LMTK3: variants seen among roughly 807,000 people sequenced by gnomAD.
LMTK3 encodes lemur tail kinase 3.
A neutral mutation model predicts 116.7 loss-of-function variants in LMTK3; 27 were observed. That is an observed-to-expected ratio of 0.23 (90% confidence interval 0.17 to 0.32). The LOEUF is 0.32. Among genes scored for constraint, LMTK3 ranks in the 10% least tolerant of loss-of-function variants. LMTK3 has a pLI of 1.00. For synonymous variants in LMTK3, 965 were observed against 971.0 expected (o/e 0.99, Z 0.11); for missense variants, 1,764 against 2,068.5 (o/e 0.85, Z 2.86).
At chr19:48,485,993 G>A (rs566426921) in intron 14 of LMTK3, among the ~76,000 whole-genome samples, 2 of 151,022 alleles carry the variant, frequency 1.3e-5, no homozygotes, top group South Asian at 2.1e-4. Flanking sequence ...CTCCCAGCAC[G>A]GTCCGACCCC....
chr19:48,498,424 G>A lies in LMTK3; in HGVS notation c.2645C>T (p.Ala882Val), dbSNP rs773623410. The change falls in exon 11 of 15, where the codon GCC becomes GTC. Residue 882 changes from alanine to valine, a missense_variant. Coordinates refer to ENST00000600059, the MANE Select transcript of LMTK3 (RefSeq NM_001388485.1). ...CGCCTTCCTGGGTCCTGTCTCCCGG[G>A]CTGTCGCCCCCTTCTCCCCCAGGAG... is the stretch of plus-strand genomic sequence containing the variant. ...RNLLGEKGAT[A>V]RETGPRKAGR... is the part of the protein sequence containing the mutation. 3 of 1,607,314 alleles carry A rather than the reference G, an allele frequency of 1.9e-6. No homozygotes were observed. The Admixed American group carries it at 5.1e-5, about 27-fold the overall frequency.
At chr19:48,512,601 CAT>C (rs1281720309), upstream of LMTK3, among the ~76,000 whole-genome samples, 1 of 152,044 alleles carries the variant, frequency 6.6e-6, no homozygotes, top group Admixed American at 6.6e-5. Context: ...CATGAACTAA[CAT>C]AGACACGGAC....
At position 48,511,629 on chromosome 19, in the gene LMTK3, G is replaced by T. The variant is rs1468463537; in HGVS notation, c.-53C>A. 1 of 546,870 alleles carries T rather than the reference G, an allele frequency of 1.8e-6. No individual in the cohort carries two copies. Among genetic ancestry groups the T allele is most frequent in the South Asian group, 2.9e-5 (1 of 34,788 alleles). The allele number at this position is 546,870 out of a possible 1,614,324, so 33.9% of individuals were successfully genotyped here. ...GTGGTGGCGGCTGGGGAGGAGGGGGGGGCGGGCCCTCAGCCCCCAGCCATG... is the reference window on the plus strand; with the variant it reads ...GTGGTGGCGGCTGGGGAGGAGGGGGTGGCGGGCCCTCAGCCCCCAGCCATG... On this transcript the variant is annotated 5_prime_UTR_variant, in exon 1 of 15. Transcript: ENST00000600059.
At chr19:48,511,405 T>C (rs1972656938) in intron 1 of LMTK3, 96 bp downstream of exon 1, 2 of 450,032 alleles carry the variant, frequency 4.4e-6, no homozygotes, top group Non-Finnish European at 7.2e-6. Flanking sequence ...GCGCACCAGG[T>C]GACGGGGCAG....
At position 48,497,474 on chromosome 19, in the gene LMTK3, T is replaced by TG. The variant is rs763549285; in HGVS notation, c.3594dup (p.Lys1199GlnfsTer341). 20 of 1,506,778 alleles carry TG rather than the reference T, an allele frequency of 1.3e-5. No homozygotes were observed. Among genetic ancestry groups the TG allele is most frequent in the South Asian group, 4.0e-5 (3 of 75,726 alleles). The allele number at this position is 1,506,778 out of a possible 1,614,324, so 93.3% of individuals were successfully genotyped here. ...ATCTCGGGGCCCTTCCTCTCGGGCT[T>TG]GGGGGGGTCCCCGTCTCCGCTGAGT... is the stretch of plus-strand genomic sequence containing the variant. On this transcript the variant is annotated frameshift_variant, in exon 11 of 15. Transcript: ENST00000600059. LOFTEE classifies it high-confidence loss of function. The surrounding 1 kb of genome is among the most constrained non-coding windows in gnomAD (Gnocchi z 5.7).
In LMTK3 at chr19:48,499,174, C is replaced by A. The variant is rs776993486; in HGVS notation, c.1895G>T (p.Arg632Leu). Residue 632 changes from arginine (R) to leucine (L), a missense_variant, in exon 11 of 15, where the codon CGG becomes CTG. Arg to Leu is a moderately radical substitution (Grantham distance 102). This residue lies in a region of LMTK3 where 1,028 missense variants were observed against 1,050.6 expected (regional missense o/e 0.98). Transcript: ENST00000600059. Reference sequence around the variant, plus strand: ...TTCTTCCACCCACGGGGCGGTCCCCCGCTCCCCCAAGACCTCGGCAGGGTC... The same window carrying A: ...TTCTTCCACCCACGGGGCGGTCCCCAGCTCCCCCAAGACCTCGGCAGGGTC... ...AGDPAEVLGE[R>L]GTAPWVEEEE... 6.7e-7 allele frequency: 1 copy of A among 1,495,846 alleles called. No individual in the cohort carries two copies. The highest frequency in any genetic ancestry group is 8.9e-7 in the Non-Finnish European group (1 of 1,121,138). The allele number at this position is 1,495,846 out of a possible 1,614,324, so 92.7% of individuals were successfully genotyped here. A position where few individuals can be genotyped will look rare whatever the true frequency, so the allele number is the denominator to read the frequency against.
chr19:48,501,315 C>T lies in LMTK3; in HGVS notation c.969G>A (p.Met323Ile). 6.2e-7 allele frequency: 1 copy of T among 1,613,614 alleles called. No homozygotes were observed. Among genetic ancestry groups the T allele is most frequent in the Non-Finnish European group, 8.5e-7 (1 of 1,179,798 alleles). Residue 323 changes from methionine to isoleucine, a missense_variant, in exon 9 of 15, where the codon ATG becomes ATA. Physicochemically the swap from Met to Ile is conservative, Grantham distance 10. Around this residue, in one of 7 missense-constraint regions of LMTK3, gnomAD observed 271 missense variants for 478.2 expected, o/e 0.57. Coordinates refer to ENST00000600059, the MANE Select transcript of LMTK3 (RefSeq NM_001388485.1). Reference sequence around the variant, plus strand: ...TGCTCTCGCGGCTCTGGTCCACCACCATGAAGGTCCCGTGGAGCTCCCCGA... The same window carrying T: ...TGCTCTCGCGGCTCTGGTCCACCACTATGAAGGTCCCGTGGAGCTCCCCGA... The part of the protein sequence containing the change: ...ELLGELHGTF[M>I]VVDQSRESNI...
Position 48,498,551 on chromosome 19 carries a change from C to T in LMTK3, c.2518G>A (p.Gly840Ser). 1 of 1,562,592 alleles carries T rather than the reference C, an allele frequency of 6.4e-7. No homozygotes were observed. Among genetic ancestry groups the T allele is most frequent in the South Asian group, 1.2e-5 (1 of 85,564 alleles). Reference sequence around the variant, plus strand: ...CGGGGCCCCGGGAGTGGGAGCGGACCCGGGTCTGGAGGTGGCCGGGGCGCT... The same window carrying T: ...CGGGGCCCCGGGAGTGGGAGCGGACTCGGGTCTGGAGGTGGCCGGGGCGCT... ...PGAPRPPPDP[G>S]PLPLPGPREK... is the part of the protein sequence containing the mutation. The change falls in exon 11 of 15, where the codon GGT (glycine) becomes AGT (serine). Residue 840 changes from glycine (G) to serine (S), a missense_variant. Transcript: ENST00000600059.
rs150587669 is a variant in LMTK3, at chr19:48,494,813, A to G, written c.3677-704T>C. 2.5e-3 allele frequency among the ~76,000 whole-genome samples: 380 copies of G among 152,166 alleles called. 3 individuals are homozygous for G. Among genetic ancestry groups the G allele is most frequent in the African/African-American group, 8.6e-3 (359 of 41,518 alleles). Reference sequence around the variant, plus strand: ...CTCAGGTCCTCGTTCTCTCTACTCAAGTTTTACTACCTTTTGCTATTCTCT... The same window carrying G: ...CTCAGGTCCTCGTTCTCTCTACTCAGGTTTTACTACCTTTTGCTATTCTCT... On this transcript the variant is annotated intron_variant, in intron 11 of 14. Transcript: ENST00000600059. The surrounding 1 kb of genome is among the most constrained non-coding windows in gnomAD (Gnocchi z 4.0).
At position 48,498,945 on chromosome 19, in the gene LMTK3, G is replaced by C; in HGVS notation, c.2124C>G (p.Ser708=). 1.5e-6 allele frequency: 2 copies of C among 1,295,340 alleles called. No homozygotes were observed. The allele number at this position is 1,295,340 out of a possible 1,614,324, so 80.2% of individuals were successfully genotyped here. A position where few individuals can be genotyped will look rare whatever the true frequency, so the allele number is the denominator to read the frequency against. ...GGGAGCCCCGCTCTGCCCGCAGCGAGGAGTCGTCCTCGGGGGGGTGGGGGC... is the reference window on the plus strand; with the variant it reads ...GGGAGCCCCGCTCTGCCCGCAGCGACGAGTCGTCCTCGGGGGGGTGGGGGC... The part of the protein sequence containing the change: ...LGCPHPPEDD[S]SLRAERGSLA... Residue 708 remains serine (S), a synonymous_variant, in exon 11 of 15, where the codon TCC becomes TCG. Transcript: ENST00000600059.
rs1484582906 is a variant in LMTK3, at chr19:48,499,042, C to T, written c.2027G>A (p.Gly676Glu). The T allele has an allele frequency of 6.7e-7, 1 of 1,497,560 alleles. No individual in the cohort carries two copies. Among genetic ancestry groups the T allele is most frequent in the Admixed American group, 2.1e-5 (1 of 47,470 alleles). 92.8% of individuals were successfully genotyped at this position (1,497,560 alleles called of 1,614,324 possible). A position where few individuals can be genotyped will look rare whatever the true frequency, so the allele number is the denominator to read the frequency against. Reference sequence around the variant, plus strand: ...CTCCAGTGGCAGGCAGGAGCAGGCCCCCTCGCGGCTGCACAGGGGACAGGG... The same window carrying T: ...CTCCAGTGGCAGGCAGGAGCAGGCCTCCTCGCGGCTGCACAGGGGACAGGG... ...PLPCPLCSRE[G>E]ACSCLPLERG... Residue 676 changes from glycine to glutamate, a missense_variant, in exon 11 of 15, where the codon GGG becomes GAG. Physicochemically the swap from Gly to Glu is moderately conservative, Grantham distance 98 (BLOSUM62 -2). Coordinates refer to ENST00000600059, the MANE Select transcript of LMTK3 (RefSeq NM_001388485.1).
Position 48,500,887 on chromosome 19 carries a change from G to A in LMTK3, c.1151+109C>T. The A allele has an allele frequency of 9.0e-7, 1 of 1,108,430 alleles. No homozygotes were observed. The highest frequency in any genetic ancestry group is 1.3e-6 in the Non-Finnish European group (1 of 799,796). 68.7% of individuals were successfully genotyped at this position (1,108,430 alleles called of 1,614,324 possible). A position where few individuals can be genotyped will look rare whatever the true frequency, so the allele number is the denominator to read the frequency against. The stretch of plus-strand genomic sequence containing the variant: ...GGACAGCCCCTCTTCACTCTTGAGG[G>A]GTATGGAGGGCAAACGGGATGTGGG... On this transcript the variant is annotated intron_variant, in intron 10 of 14. Transcript: ENST00000600059. This position sits in a 1 kb window ranked among gnomAD's most constrained non-coding sequence, Gnocchi z 4.0.
At position 48,486,738 on chromosome 19, in the gene LMTK3, T is replaced by C. The variant is rs111351274; in HGVS notation, c.4367-949A>G. On this transcript the variant is annotated intron_variant, in intron 14 of 14. Coordinates refer to ENST00000600059, the MANE Select transcript of LMTK3 (RefSeq NM_001388485.1). ...AGTTTTAGTAGAGACGGGTTTTTAC[T>C]GTGTTAGCCAGGATGGTCTCAATCT... Among the ~76,000 whole-genome samples the C allele has an allele frequency of 8.9e-3, 1,339 of 150,932 alleles. 17 individuals carry two copies. Among genetic ancestry groups the C allele is most frequent in the African/African-American group, 0.029 (1,206 of 41,106 alleles).
chr19:48,491,150 T>G lies in LMTK3; in HGVS notation c.4324A>C (p.Thr1442Pro). 1.5e-6 allele frequency: 2 copies of G among 1,303,190 alleles called. No individual in the cohort carries two copies. The highest frequency in any genetic ancestry group is 2.0e-5 in the South Asian group (1 of 50,076). 80.7% of individuals were successfully genotyped at this position (1,303,190 alleles called of 1,614,324 possible). Residue 1442 changes from threonine to proline, a missense_variant, in exon 14 of 15, where the codon ACC becomes CCC. Thr to Pro is a conservative substitution (Grantham distance 38). Coordinates refer to ENST00000600059, the MANE Select transcript of LMTK3 (RefSeq NM_001388485.1). The surrounding 1 kb of genome is among the most constrained non-coding windows in gnomAD (Gnocchi z 5.1). ...SRFSVSPALE[T>P]PGPPARAPDA... ...GGGGCCCGGGCGGGTGGCCCCGGGGTCTCCAGCGCAGGCGAGACGGAGAAG... is the reference window on the plus strand; with the variant it reads ...GGGGCCCGGGCGGGTGGCCCCGGGGGCTCCAGCGCAGGCGAGACGGAGAAG...
rs935771799 is a variant in LMTK3, at chr19:48,491,135, C to T, written c.4339G>A (p.Ala1447Thr). 1.6e-6 allele frequency: 2 copies of T among 1,239,572 alleles called. No individual in the cohort carries two copies. The highest frequency in any genetic ancestry group is 2.0e-5 in the South Asian group (1 of 50,702). 76.8% of individuals were successfully genotyped at this position (1,239,572 alleles called of 1,614,324 possible). ...GCGGGCCGGGCGTCGGGGGCCCGGGCGGGTGGCCCCGGGGTCTCCAGCGCA... is the reference window on the plus strand; with the variant it reads ...GCGGGCCGGGCGTCGGGGGCCCGGGTGGGTGGCCCCGGGGTCTCCAGCGCA... The part of the protein sequence containing the change: ...SPALETPGPP[A>T]RAPDARPAGP... Residue 1447 changes from alanine (A) to threonine (T), a missense_variant, in exon 14 of 15, where the codon GCC (alanine) becomes ACC (threonine). Ala to Thr is a moderately conservative substitution (Grantham distance 58). Around this residue, in one of 7 missense-constraint regions of LMTK3, gnomAD observed 281 missense variants for 301.4 expected, o/e 0.93. Coordinates refer to ENST00000600059, the MANE Select transcript of LMTK3 (RefSeq NM_001388485.1). The surrounding 1 kb of genome is among the most constrained non-coding windows in gnomAD (Gnocchi z 5.1).
Position 48,499,336 on chromosome 19 carries a change from TG to T in LMTK3, c.1732del (p.Gln578SerfsTer30). On this transcript the variant is annotated frameshift_variant, in exon 11 of 15. Transcript: ENST00000600059. LOFTEE classifies it high-confidence loss of function. ...GGAGGCCCAGGTCTCGGACACCAGC[TG>T]GGGGACCTCGGAGGGGGCCTGGGGG... Reference protein sequence around the residue: ...QAPQAPSEVPQLVSETWASPL... With the variant: ...QAPQAPSEVPXLVSETWASPL... 7.1e-7 allele frequency: 1 copy of T among 1,402,822 alleles called. No homozygotes were observed. The highest frequency in any genetic ancestry group is 9.3e-7 in the Non-Finnish European group (1 of 1,073,848). 86.9% of individuals were successfully genotyped at this position (1,402,822 alleles called of 1,614,324 possible).
upstream of LMTK3, among the ~76,000 whole-genome samples, chr19:48,512,663 CATA>C (rs1972680829): frequency 6.6e-6 from 1 of 151,872 alleles, no homozygotes. Context: ...TACACAGAAA[CATA>C]ATACATGCAT....
At chr19:48,496,682 C>G (rs1191461971) in intron 11 of LMTK3, among the ~76,000 whole-genome samples, 1 of 152,220 alleles carries the variant, frequency 6.6e-6, no homozygotes, top group African/African-American at 2.4e-5. Context: ...CTCCTGACCT[C>G]AAGTGATCCT....
chr19:48,510,917 T>C (rs1321672111), intron 1 of LMTK3, among the ~76,000 whole-genome samples: 1 of 152,166 alleles, frequency 6.6e-6, no homozygotes, highest in East Asian at 1.9e-4. Flanking sequence ...GTCTGGAGCT[T>C]GCAGAATTTA....
Sources: allele counts gnomAD v4.1 joint callset (sites outside exome capture counted in the v4.1 genomes callset), GRCh38; gene constraint gnomAD v4.1.1; regional missense constraint gnomAD v4.1.1; non-coding constraint Gnocchi (gnomAD v3.1); transcripts MANE v1.5; gene names NCBI Gene and HGNC (gene_info 2026-07-23, HGNC 2026-07-21).